Variants in TJP2 observed in about 807,000 individuals in gnomAD.
The protein encoded by TJP2 is tight junction protein 2, also known as Friedreich ataxia region gene X104 (tight junction protein ZO-2).
A neutral mutation model predicts 133.1 loss-of-function variants in TJP2; 91 were observed. The observed-to-expected ratio is 0.68, with a 90% CI of 0.58 to 0.81. The LOEUF is 0.81. Ranked by LOEUF, TJP2 falls within the 40% of genes least tolerant of loss-of-function variation. The pLI is 0.00. For missense variants in TJP2, 1,541 were observed against 1,565.6 expected, an observed-to-expected ratio of 0.98 and a Z score of 0.26; for synonymous variants, 592 against 583.4, an observed-to-expected ratio of 1.01 and a Z score of -0.21.
chr9:69,192,993 C>CT (rs1004528079), intron 1 of TJP2, among the ~76,000 whole-genome samples: 28 of 149,294 alleles, frequency 1.9e-4, no homozygotes, highest in Admixed American at 1.1e-3. Flanking sequence ...ACAGTCTCAG[C>CT]TCACTTGAGC....
chr9:69,216,992 T>G (rs1742702595), intron 3 of TJP2, among the ~76,000 whole-genome samples: 1 of 141,308 alleles, frequency 7.1e-6, no homozygotes, highest in Non-Finnish European at 1.5e-5. Flanking sequence ...TTCTTTTCTT[T>G]TTTTTTTTTT....
chr9:69,189,459 A>G (rs1019581455), intron 1 of TJP2, among the ~76,000 whole-genome samples: 7 of 152,084 alleles, frequency 4.6e-5, no homozygotes, highest in African/African-American at 1.7e-4. Context: ...TTTCAGATTC[A>G]CTGAGATTCT....
At chr9:69,243,072 C>T (rs1356193008) in intron 17 of TJP2, among the ~76,000 whole-genome samples, 1 of 152,092 alleles carries the variant, frequency 6.6e-6, no homozygotes, top group East Asian at 1.9e-4. Flanking sequence ...CCATGTTGCC[C>T]AAGCTGGTCT....
intron 1 of TJP2, among the ~76,000 whole-genome samples, chr9:69,206,626 G>A (rs2133164823): frequency 6.6e-6 from 1 of 151,888 alleles, no homozygotes; most frequent in African/African-American, 2.4e-5. Context: ...TGCCCAGGCT[G>A]GAGTGCAGTG....
intron 1 of TJP2, among the ~76,000 whole-genome samples, chr9:69,200,736 C>T (rs147344812): frequency 1.1e-4 from 16 of 152,256 alleles, no homozygotes; most frequent in Non-Finnish European, 1.9e-4. Flanking sequence ...CCCCACCACT[C>T]ACCCTGCTCC....
At chr9:69,249,019 A>G (rs1831138091) in intron 19 of TJP2, 1 of 1,000,890 alleles carries the variant, frequency 1.0e-6, no homozygotes, top group African/African-American at 1.7e-5. Flanking sequence ...GAAGGGGGAG[A>G]AAAATACACC....
intron 9 of TJP2, among the ~76,000 whole-genome samples, chr9:69,228,910 T>C (rs1036648758): frequency 2.6e-5 from 4 of 152,206 alleles, no homozygotes; most frequent in Non-Finnish European, 5.9e-5. Context: ...AGTATCATTA[T>C]TGTATGTTTT....
intron 9 of TJP2, 101 bp downstream of exon 9, chr9:69,228,215 A>C: frequency 1.1e-5 from 15 of 1,389,258 alleles, no homozygotes; most frequent in Non-Finnish European, 1.5e-5. Flanking sequence ...AGCCACGTGG[A>C]TGCAGCTGGA....
At chr9:69,206,858 C>T (rs879560627) in intron 1 of TJP2, among the ~76,000 whole-genome samples, 4 of 152,146 alleles carry the variant, frequency 2.6e-5, no homozygotes, top group South Asian at 2.1e-4. Context: ...ATTACAGGCG[C>T]GAGCCATCGC....
Position 69,253,572 on chromosome 9 carries a change from C to T in TJP2, c.3408-637C>T, listed in dbSNP as rs555253495. 1.2e-3 allele frequency: 188 copies of T among 159,834 alleles called. 1 individual carries two copies. The Middle Eastern group carries it at 0.03, about 25-fold the overall frequency. 9.9% of individuals were successfully genotyped at this position (159,834 alleles called of 1,614,324 possible). A position where few individuals can be genotyped will look rare whatever the true frequency, so the allele number is the denominator to read the frequency against. On this transcript the variant is annotated intron_variant, in intron 22 of 22. Coordinates refer to ENST00000377245, the MANE Select transcript of TJP2 (RefSeq NM_004817.4). ...GGTTCAAGCGATTCTCGTGCCTCAGCCTCCCGGGTAGCTGGGATTACAGGT... is the reference window on the plus strand; with the variant it reads ...GGTTCAAGCGATTCTCGTGCCTCAGTCTCCCGGGTAGCTGGGATTACAGGT...
chr9:69,240,194 A>G, intron 17 of TJP2, 47 bp downstream of exon 17: 1 of 1,463,334 alleles, frequency 6.8e-7, no homozygotes, highest in East Asian at 2.4e-5. Context: ...ATGAGAAATA[A>G]AGAATTGAAG....
intron 1 of TJP2, among the ~76,000 whole-genome samples, chr9:69,176,162 G>C (rs1793443810): frequency 1.3e-5 from 2 of 152,188 alleles, no homozygotes; most frequent in African/African-American, 4.8e-5. Context: ...TTCCCTTCAG[G>C]GGATTCTTGC....
intron 18 of TJP2, 83 bp downstream of exon 18, chr9:69,246,873 C>A: frequency 8.1e-7 from 1 of 1,237,836 alleles, no homozygotes. Context: ...GTAGTCAAGC[C>A]ATGCCCATTT....
intron 11 of TJP2, 41 bp from the exon 12 acceptor site, chr9:69,234,398 C>CTTTCTTTCTTTTT: frequency 2.0e-6 from 2 of 982,288 alleles, no homozygotes; most frequent in Non-Finnish European, 2.9e-6. Flanking sequence ...TTCTTTCTTT[C>CTTTCTTTCTTTTT]TTTTTTTTTT....
intron 1 of TJP2, among the ~76,000 whole-genome samples, chr9:69,148,904 C>T (rs138611869): frequency 6.6e-6 from 1 of 152,292 alleles, no homozygotes; most frequent in Non-Finnish European, 1.5e-5. Context: ...TCAGTATAGC[C>T]ACAATGGAGA....
At chr9:69,196,873 T>TTAAA (rs747477621) in intron 1 of TJP2, among the ~76,000 whole-genome samples, 4 of 151,906 alleles carry the variant, frequency 2.6e-5, no homozygotes, top group Non-Finnish European at 5.9e-5. Flanking sequence ...TGTCATTTTA[T>TTAAA]GTCACATAAT....
chr9:69,165,416 G>A (rs779396511), intron 2 of TJP2, among the ~76,000 whole-genome samples: 33 of 152,180 alleles, frequency 2.2e-4, no homozygotes, highest in Non-Finnish European at 4.1e-4. Context: ...GTGATTACAG[G>A]TGTGGCCACC....
Position 69,254,334 on chromosome 9 carries a change from A to G in TJP2, c.3533A>G (p.Tyr1178Cys). 6.2e-7 allele frequency: 1 copy of G among 1,614,232 alleles called. No individual in the cohort carries two copies. The highest frequency in any genetic ancestry group is 1.1e-5 in the South Asian group (1 of 91,088). ...QQLSEHSKRG[Y>C]YGQSARYRDT... is the part of the protein sequence containing the mutation. ...CTGTCAGAACACTCCAAGCGCGGTT[A>G]CTATGGCCAGTCTGCCCGATACCGG... Residue 1178 changes from tyrosine to cysteine, a missense_variant, in exon 23 of 23, where the codon TAC becomes TGC. Physicochemically the swap from Tyr to Cys is radical, Grantham distance 194. Transcript: ENST00000377245.
intron 2 of TJP2, among the ~76,000 whole-genome samples, chr9:69,158,498 T>C (rs946559310): frequency 1.1e-4 from 17 of 152,076 alleles, no homozygotes; most frequent in African/African-American, 4.1e-4. Context: ...GCCCAGTAAG[T>C]GGTTTCAGGT....
Sources: gnomAD v4.1 joint callset for allele counts (sites outside exome capture counted in the v4.1 genomes callset) on GRCh38, gnomAD v4.1.1 for gene constraint, MANE v1.5 for transcripts, NCBI Gene and HGNC (gene_info 2026-07-23, HGNC 2026-07-21) for gene names.